Variants in CFAP61 observed in about 807,000 individuals in gnomAD.
CFAP61 encodes cilia and flagella associated protein 61, also known as cilia- and flagella-associated protein 61.
Under a neutral mutation model 135.6 loss-of-function variants are expected in CFAP61, and 107 were observed. The ratio of observed to expected loss-of-function variants is 0.79; its 90% CI spans 0.67 to 0.93. The LOEUF (loss-of-function observed/expected upper bound fraction) is 0.93, where lower values mean the gene tolerates loss of function less well. Among genes scored for constraint, CFAP61 ranks in the 40% least tolerant of loss-of-function variants. The probability of loss-of-function intolerance (pLI) is 0.00; values close to 1 mark genes in which losing one functional copy is unlikely to be tolerated. For missense variants in CFAP61, 1,507 were observed against 1,556.2 expected (o/e 0.97, Z 0.53); for synonymous variants, 575 against 578.5 (o/e 0.99, Z 0.09).
intron 7 of CFAP61, among the ~76,000 whole-genome samples, chr20:20,093,410 T>G (rs982903445): frequency 6.6e-6 from 1 of 150,832 alleles, no homozygotes; most frequent in Admixed American, 6.7e-5. Flanking sequence ...GTGAATATAT[T>G]AAAAACCATT....
intron 26 of CFAP61, among the ~76,000 whole-genome samples, chr20:20,354,762 G>A (rs1455624180): frequency 6.6e-6 from 1 of 150,680 alleles, no homozygotes; most frequent in Non-Finnish European, 1.5e-5. Context: ...TACTGTGAAA[G>A]GGAGGTGGTC....
intron 21 of CFAP61, among the ~76,000 whole-genome samples, chr20:20,270,932 G>A (rs965615176): frequency 6.6e-6 from 1 of 152,092 alleles, no homozygotes; most frequent in African/African-American, 2.4e-5. Context: ...TCAACCTTTC[G>A]AATTGCTGGG....
rs145101203 is a variant in CFAP61 at position 20,164,703 on chromosome 20, A to C, written c.1205+475A>C. Among the ~76,000 whole-genome samples, 503 of 152,362 alleles carry C rather than the reference A, an allele frequency of 3.3e-3. 1 individual carries two copies. The highest frequency in any genetic ancestry group is 5.3e-3 in the Non-Finnish European group (363 of 68,036). On this transcript the variant is annotated intron_variant, in intron 11 of 26. Coordinates refer to ENST00000245957, the MANE Select transcript of CFAP61 (RefSeq NM_015585.4). ...ATCTAGGATTTATTTAGATTACCAA[A>C]TCAAGGACCAAGTTTCTCTCTCTAC...
Position 20,288,688 on chromosome 20 carries a change from G to A in CFAP61, c.2876G>A (p.Ser959Asn), listed in dbSNP as rs1265957048. ...ALNDACLVYD[S>N]RLVIDTNFHT... The stretch of plus-strand genomic sequence containing the variant: ...AATGATGCATGTCTTGTGTATGACA[G>A]TCGACTTGTGATTGATACCAACTTC... Residue 959 changes from serine (S) to asparagine (N), a missense_variant, in exon 23 of 27, where the codon AGT becomes AAT. Ser to Asn is a conservative substitution (Grantham distance 46, BLOSUM62 1). Transcript: ENST00000245957. The A allele has an allele frequency of 5.6e-6, 9 of 1,613,998 alleles. No homozygotes were observed. The highest frequency in any genetic ancestry group is 2.7e-5 in the African/African-American group (2 of 74,928).
intron 21 of CFAP61, among the ~76,000 whole-genome samples, chr20:20,272,748 C>G (rs1293637146): frequency 6.6e-6 from 1 of 152,198 alleles, no homozygotes; most frequent in Non-Finnish European, 1.5e-5. Flanking sequence ...TCAGGAAGAT[C>G]TGTTTCTCTG....
At chr20:20,227,490 A>T (rs910477604) in intron 17 of CFAP61, among the ~76,000 whole-genome samples, 1 of 152,230 alleles carries the variant, frequency 6.6e-6, no homozygotes, top group Non-Finnish European at 1.5e-5. Context: ...AGACTACTCT[A>T]TCACTTCTTT....
chr20:20,107,338 C>T (rs780110359), intron 8 of CFAP61, among the ~76,000 whole-genome samples: 3 of 152,126 alleles, frequency 2.0e-5, no homozygotes, highest in Admixed American at 1.3e-4. Context: ...CTTGGACTTT[C>T]GGTATTTTCA....
chr20:20,110,846 A>G (rs1257578546), intron 8 of CFAP61, among the ~76,000 whole-genome samples: 1 of 152,198 alleles, frequency 6.6e-6, no homozygotes, highest in Non-Finnish European at 1.5e-5. Context: ...ATCTAGCTTC[A>G]GCTCACAGGG....
At chr20:20,328,714 G>A (rs1432820719) in intron 25 of CFAP61, among the ~76,000 whole-genome samples, 2 of 152,140 alleles carry the variant, frequency 1.3e-5, no homozygotes, top group African/African-American at 4.8e-5. Flanking sequence ...AATTAAAAGT[G>A]GGCCAAAGAC....
At chr20:20,062,795 ATAT>A (rs1303241668) in intron 2 of CFAP61, among the ~76,000 whole-genome samples, 4 of 152,192 alleles carry the variant, frequency 2.6e-5, no homozygotes, top group African/African-American at 4.8e-5. Flanking sequence ...CATTGATGAA[ATAT>A]TATTGAATTC....
chr20:20,191,207 C>T, intron 14 of CFAP61, 135 bp from the exon 15 acceptor site: 1 of 552,734 alleles, frequency 1.8e-6, no homozygotes. Flanking sequence ...TAACTTACTA[C>T]CTGGCCAAAA....
At chr20:20,182,090 T>C (rs1172186419) in intron 13 of CFAP61, among the ~76,000 whole-genome samples, 1 of 152,226 alleles carries the variant, frequency 6.6e-6, no homozygotes, top group African/African-American at 2.4e-5. Context: ...GATATTTATT[T>C]AGCAGATTTA....
intron 17 of CFAP61, among the ~76,000 whole-genome samples, chr20:20,208,373 G>A (rs1410181807): frequency 1.3e-5 from 2 of 152,126 alleles, no homozygotes; most frequent in African/African-American, 4.8e-5. Context: ...TCCATAAAAT[G>A]TCCAATTTCA....
chr20:20,182,783 T>TTTTG (rs1309961789), intron 13 of CFAP61, among the ~76,000 whole-genome samples: 2 of 152,126 alleles, frequency 1.3e-5, no homozygotes, highest in African/African-American at 2.4e-5. Flanking sequence ...TGTGTCCCAT[T>TTTTG]TTTGTTTGTT....
In CFAP61 at chr20:20,082,198, C is replaced by T. The variant is rs970553443; in HGVS notation, c.566+6583C>T. ...ATGTATTTTTTGACATCCGTTTCAA[C>T]GATAGTTACTTGCACTGATAGTTAA... On this transcript the variant is annotated intron_variant, in intron 6 of 26. Transcript: ENST00000245957. Among the ~76,000 whole-genome samples, 13 of 152,164 alleles carry T rather than the reference C, an allele frequency of 8.5e-5. No homozygotes were observed. In the East Asian group the frequency reaches 1.2e-3, roughly 14 times the overall value.
At position 20,230,273 on chromosome 20, in the gene CFAP61, C is replaced by T. The variant is rs57248787; in HGVS notation, c.2060+1897C>T. 9.9e-3 allele frequency among the ~76,000 whole-genome samples: 1,506 copies of T among 152,270 alleles called. 26 individuals are homozygous for T. Among genetic ancestry groups the T allele is most frequent in the African/African-American group, 0.034 (1,402 of 41,562 alleles). ...ATCATCATTACACAGATTACGTACA[C>T]TAAAAATAGACTGGTATCAGTTTAC... On this transcript the variant is annotated intron_variant, in intron 18 of 26. Coordinates refer to ENST00000245957, the MANE Select transcript of CFAP61 (RefSeq NM_015585.4).
intron 2 of CFAP61, among the ~76,000 whole-genome samples, chr20:20,067,081 A>G (rs937012524): frequency 6.6e-6 from 1 of 151,960 alleles, no homozygotes; most frequent in Non-Finnish European, 1.5e-5. Flanking sequence ...AAGTTTTATA[A>G]CATCTGACTC....
chr20:20,269,243 G>A (rs550803412), intron 21 of CFAP61, among the ~76,000 whole-genome samples: 16 of 125,602 alleles, frequency 1.3e-4, no homozygotes, highest in South Asian at 2.3e-4. Flanking sequence ...ATATATACAC[G>A]TATATGTGCA....
intron 25 of CFAP61, among the ~76,000 whole-genome samples, chr20:20,298,812 G>A (rs1221150359): frequency 6.6e-6 from 1 of 152,190 alleles, no homozygotes; most frequent in Admixed American, 6.5e-5. Context: ...TCCTCCTCAT[G>A]GCATGTGTTC....
Sources: allele counts gnomAD v4.1 joint callset (sites outside exome capture counted in the v4.1 genomes callset), GRCh38; gene constraint gnomAD v4.1.1; transcripts MANE v1.5; gene names NCBI Gene and HGNC (gene_info 2026-07-23, HGNC 2026-07-21).